ACTL6B: variants seen among roughly 807,000 people sequenced by gnomAD.
ACTL6B encodes actin like 6B.
In ACTL6B, 48 loss-of-function variants were observed where a neutral mutation model predicts 63.3. The observed-to-expected ratio is 0.76, with a 90% CI of 0.60 to 0.96. The LOEUF is 0.96. Ranked by LOEUF, ACTL6B falls within the 50% of genes least tolerant of loss-of-function variation. The pLI, the probability that ACTL6B is intolerant of heterozygous loss-of-function variation, is 0.00. For synonymous variants in ACTL6B, 230 were observed against 223.8 expected, an observed-to-expected ratio of 1.03 and a Z score of -0.25; for missense variants, 350 against 572.2, an observed-to-expected ratio of 0.61 and a Z score of 3.96.
In ACTL6B at chr7:100,646,985, G is replaced by T; in HGVS notation, c.922C>A (p.Pro308Thr). ...CACAGCCAAACCTTGACGTTCGAGG[G>T]ATCAAACAGGCCCTCAGGGATGCGG... ...RLRIPEGLFD[P>T]SNVKGLSGNT... Residue 308 changes from proline to threonine, a missense_variant, in exon 10 of 14, where the codon CCC becomes ACC. Physicochemically the swap from Pro to Thr is conservative, Grantham distance 38. This residue lies in a region of ACTL6B where 24 missense variants were observed against 81.4 expected (regional missense o/e 0.29). Coordinates refer to ENST00000160382, the MANE Select transcript of ACTL6B (RefSeq NM_016188.5). This position sits in a 1 kb window ranked among gnomAD's most constrained non-coding sequence, Gnocchi z 6.1. 2.5e-6 allele frequency: 4 copies of T among 1,613,946 alleles called. No homozygotes were observed. Among genetic ancestry groups the T allele is most frequent in the Non-Finnish European group, 2.5e-6 (3 of 1,179,980 alleles).
intron 4 of ACTL6B, among the ~76,000 whole-genome samples, chr7:100,651,433 C>T (rs57683941): frequency 3.3e-5 from 5 of 151,794 alleles, no homozygotes; most frequent in African/African-American, 1.2e-4. Context: ...TGCCTGTAAT[C>T]CCAGCTACTT....
At position 100,647,635 on chromosome 7, in the gene ACTL6B, G is replaced by A; in HGVS notation, c.670-102C>T. On this transcript the variant is annotated intron_variant, in intron 7 of 13. Coordinates refer to ENST00000160382, the MANE Select transcript of ACTL6B (RefSeq NM_016188.5). The surrounding 1 kb of genome is among the most constrained non-coding windows in gnomAD (Gnocchi z 4.4). ...GCTCTGCAGCTACCTGGCGCTGCAGGCTCTGCTGTGCTGCCTGCAAGAGGG... is the reference window on the plus strand; with the variant it reads ...GCTCTGCAGCTACCTGGCGCTGCAGACTCTGCTGTGCTGCCTGCAAGAGGG... The A allele has an allele frequency of 1.2e-6, 1 of 830,138 alleles. No individual in the cohort carries two copies. The highest frequency in any genetic ancestry group is 1.9e-6 in the Non-Finnish European group (1 of 521,430). The allele number at this position is 830,138 out of a possible 1,614,324, so 51.4% of individuals were successfully genotyped here.
Position 100,655,560 on chromosome 7 carries a change from C to T in ACTL6B, c.129G>A (p.Leu43=), listed in dbSNP as rs748293738. 6.2e-7 allele frequency: 1 copy of T among 1,613,380 alleles called. No homozygotes were observed. Among genetic ancestry groups the T allele is most frequent in the Non-Finnish European group, 8.5e-7 (1 of 1,179,614 alleles). Residue 43 remains leucine (L), a synonymous_variant, in exon 3 of 14, where the codon CTG becomes CTA. Coordinates refer to ENST00000160382, the MANE Select transcript of ACTL6B (RefSeq NM_016188.5). This position sits in a 1 kb window ranked among gnomAD's most constrained non-coding sequence, Gnocchi z 4.4. Reference sequence around the variant, plus strand: ...GCCCGCCCCCCTCCTCCGCGGCCAGCAGCCCCACTGTGGTGGGGAAGTCAG... The same window carrying T: ...GCCCGCCCCCCTCCTCCGCGGCCAGTAGCCCCACTGTGGTGGGGAAGTCAG... ...PKADFPTTVG[L]LAAEEGGGLE... is the part of the protein sequence containing the mutation.
At position 100,648,450 on chromosome 7, in the gene ACTL6B, G is replaced by A. The variant is rs1803868275; in HGVS notation, c.669+106C>T. On this transcript the variant is annotated intron_variant, in intron 7 of 13. Transcript: ENST00000160382. The surrounding 1 kb of genome is among the most constrained non-coding windows in gnomAD (Gnocchi z 4.4). Reference sequence around the variant, plus strand: ...AGGAACTGGAGCCAGGACCCACTGGGGAGCCTGCTGCTCTCTGCTCTGATA... The same window carrying A: ...AGGAACTGGAGCCAGGACCCACTGGAGAGCCTGCTGCTCTCTGCTCTGATA... 3 of 995,754 alleles carry A rather than the reference G, an allele frequency of 3.0e-6. No homozygotes were observed. Among genetic ancestry groups the A allele is most frequent in the Non-Finnish European group, 4.3e-6 (3 of 695,024 alleles). 61.7% of individuals were successfully genotyped at this position (995,754 alleles called of 1,614,324 possible).
chr7:100,648,576 G>A lies in ACTL6B; in HGVS notation c.649C>T (p.Pro217Ser), dbSNP rs755916150. The change falls in exon 7 of 14, where the codon CCT (proline) becomes TCT (serine). Residue 217 changes from proline (P) to serine (S), a missense_variant. Physicochemically the swap from Pro to Ser is moderately conservative, Grantham distance 74. Around this residue, in one of 3 missense-constraint regions of ACTL6B, gnomAD observed 250 missense variants for 364.7 expected, o/e 0.69. Transcript: ENST00000160382. The surrounding 1 kb of genome is among the most constrained non-coding windows in gnomAD (Gnocchi z 4.4). ...CCCACCTTGGCTGCGATCATGTAAG[G>A]TGGGATGATGTCAATGGCCATCTCC... ...FQEMAIDIIP[P>S]YMIAAKEPVR... is the part of the protein sequence containing the mutation. 8 of 1,611,092 alleles carry A rather than the reference G, an allele frequency of 5.0e-6. No homozygotes were observed. The African/African-American group carries it at 5.3e-5, about 11-fold the overall frequency.
rs926268189 is a variant in ACTL6B, at chr7:100,646,453, G to T, written c.1113+98C>A. On this transcript the variant is annotated intron_variant, in intron 12 of 13. Transcript: ENST00000160382. The surrounding 1 kb of genome is among the most constrained non-coding windows in gnomAD (Gnocchi z 6.1). ...GGCAGGGGTTCTGCTCTGGTGGCCA[G>T]AACAGAAGGAAGGACATGGGAAGGA... 9 of 1,551,602 alleles carry T rather than the reference G, an allele frequency of 5.8e-6. No homozygotes were observed. In the Middle Eastern group the frequency reaches 1.3e-3, roughly 225 times the overall value.
Position 100,656,439 on chromosome 7 carries a change from G to C in ACTL6B, c.-85C>G, listed in dbSNP as rs1045914501. The C allele has an allele frequency of 4.3e-5, 54 of 1,248,544 alleles. No homozygotes were observed. Among genetic ancestry groups the C allele is most frequent in the Non-Finnish European group, 5.2e-5 (52 of 990,624 alleles). 77.3% of individuals were successfully genotyped at this position (1,248,544 alleles called of 1,614,324 possible). ...GGACAGCTCCCGGGATCCCTGGCGG[G>C]GCGGGACTCTCAGCGGCCAATTGGG... On this transcript the variant is annotated 5_prime_UTR_variant, in exon 1 of 14. Transcript: ENST00000160382.
Position 100,646,724 on chromosome 7 carries a change from C to T in ACTL6B, c.1017+27G>A, listed in dbSNP as rs546607849. 2.0e-5 allele frequency: 32 copies of T among 1,613,426 alleles called. No individual in the cohort carries two copies. In the Middle Eastern group the frequency reaches 2.5e-3, roughly 125 times the overall value. On this transcript the variant is annotated intron_variant, in intron 11 of 13. Transcript: ENST00000160382. The surrounding 1 kb of genome is among the most constrained non-coding windows in gnomAD (Gnocchi z 6.1). ...CCCCACTTCCCCTGGGCCCCTTTGC[C>T]GAGCCTCAGCTCCGGCCTGGCCTCA...
intron 4 of ACTL6B, among the ~76,000 whole-genome samples, chr7:100,651,017 A>G (rs1803930649): frequency 6.6e-6 from 1 of 152,222 alleles, no homozygotes; most frequent in Non-Finnish European, 1.5e-5. Context: ...CTGAGGATAA[A>G]GTAAAAATTC....
Position 100,655,224 on chromosome 7 carries a change from T to G in ACTL6B, c.269-105A>C, listed in dbSNP as rs1464451435. 8 of 1,203,564 alleles carry G rather than the reference T, an allele frequency of 6.6e-6. No homozygotes were observed. Among genetic ancestry groups the G allele is most frequent in the Non-Finnish European group, 9.6e-6 (8 of 832,782 alleles). The allele number at this position is 1,203,564 out of a possible 1,614,324, so 74.6% of individuals were successfully genotyped here. On this transcript the variant is annotated intron_variant, in intron 3 of 13. Transcript: ENST00000160382. The surrounding 1 kb of genome is among the most constrained non-coding windows in gnomAD (Gnocchi z 4.4). ...CCAAGCCCAAAGGAGGGTCAGTGAG[T>G]CCAGCTCCAGGGGAACGCCCCCCTT...
intron 4 of ACTL6B, among the ~76,000 whole-genome samples, chr7:100,653,188 C>T (rs1803975058): frequency 6.6e-6 from 1 of 151,934 alleles, no homozygotes; most frequent in African/African-American, 2.4e-5. Context: ...TGACTCATGC[C>T]TGTAATCCCA....
In ACTL6B at chr7:100,646,937, A is replaced by T. The variant is rs368995777; in HGVS notation, c.936+34T>A. 6.3e-7 allele frequency: 1 copy of T among 1,581,022 alleles called. No homozygotes were observed. Among genetic ancestry groups the T allele is most frequent in the East Asian group, 2.3e-5 (1 of 43,186 alleles). Reference sequence around the variant, plus strand: ...GCCCCAGGATCCAGGGACTGCAGCCAGCACCCACCCCAGTCCTCGCCACAC... The same window carrying T: ...GCCCCAGGATCCAGGGACTGCAGCCTGCACCCACCCCAGTCCTCGCCACAC... On this transcript the variant is annotated intron_variant, in intron 10 of 13. Coordinates refer to ENST00000160382, the MANE Select transcript of ACTL6B (RefSeq NM_016188.5). This position sits in a 1 kb window ranked among gnomAD's most constrained non-coding sequence, Gnocchi z 6.1.
chr7:100,654,974 G>T (rs916847027), intron 4 of ACTL6B, 45 bp downstream of exon 4: 2 of 1,498,738 alleles, frequency 1.3e-6, no homozygotes, highest in Non-Finnish European at 1.9e-6. Context: ...GGAAGGAGGT[G>T]CAGTGGAGAT....
rs549376929 is a variant in ACTL6B at position 100,649,154 on chromosome 7, G to A, written c.468-331C>T. Among the ~76,000 whole-genome samples the A allele has an allele frequency of 1.2e-3, 182 of 151,702 alleles. 1 individual carries two copies. Among genetic ancestry groups the A allele is most frequent in the African/African-American group, 3.5e-3 (145 of 41,348 alleles). ...ACTACAGGTGCCTGCCACCACGCCCGGCCAATTTTTCGTATTTTTAGTAGA... is the reference window on the plus strand; with the variant it reads ...ACTACAGGTGCCTGCCACCACGCCCAGCCAATTTTTCGTATTTTTAGTAGA... On this transcript the variant is annotated intron_variant, in intron 5 of 13. Coordinates refer to ENST00000160382, the MANE Select transcript of ACTL6B (RefSeq NM_016188.5).
chr7:100,653,292 C>A (rs894836890), intron 4 of ACTL6B, among the ~76,000 whole-genome samples: 2 of 152,002 alleles, frequency 1.3e-5, no homozygotes, highest in African/African-American at 2.4e-5. Context: ...GCAAAAGATT[C>A]TCTTAAAATT....
chr7:100,652,860 G>T (rs1803966171), intron 4 of ACTL6B, among the ~76,000 whole-genome samples: 1 of 148,502 alleles, frequency 6.7e-6, no homozygotes, highest in South Asian at 2.1e-4. Flanking sequence ...AATTAGCTGG[G>T]CGTGGTGGCA....
intron 4 of ACTL6B, 47 bp from the exon 5 acceptor site, chr7:100,650,182 A>AGACCCACAT: frequency 6.4e-7 from 1 of 1,565,330 alleles, no homozygotes; most frequent in South Asian, 1.1e-5. Context: ...GGAGAGGCAC[A>AGACCCACAT]GACCCACATC....
At chr7:100,652,738 T>C (rs1261728480) in intron 4 of ACTL6B, among the ~76,000 whole-genome samples, 1 of 151,516 alleles carries the variant, frequency 6.6e-6, no homozygotes, top group Non-Finnish European at 1.5e-5. Context: ...GATGGTGGCT[T>C]ACGCCTGTAA....
In ACTL6B at chr7:100,655,724, G is replaced by C; in HGVS notation, c.102+79C>G. ...GCTCAGCAGAGCTTCTGGGCGATCT[G>C]GGAGAGCCCTGGGTCACTGGAAAGC... On this transcript the variant is annotated intron_variant, in intron 2 of 13. Transcript: ENST00000160382. This position sits in a 1 kb window ranked among gnomAD's most constrained non-coding sequence, Gnocchi z 4.4. 1.3e-6 allele frequency: 2 copies of C among 1,518,490 alleles called. No homozygotes were observed. The highest frequency in any genetic ancestry group is 1.8e-6 in the Non-Finnish European group (2 of 1,127,756). The allele number at this position is 1,518,490 out of a possible 1,614,324, so 94.1% of individuals were successfully genotyped here.
Sources: allele counts gnomAD v4.1 joint callset (sites outside exome capture counted in the v4.1 genomes callset), GRCh38; gene constraint gnomAD v4.1.1; regional missense constraint gnomAD v4.1.1; non-coding constraint Gnocchi (gnomAD v3.1); transcripts MANE v1.5; gene names NCBI Gene and HGNC (gene_info 2026-07-23, HGNC 2026-07-21).